Variants in NFATC2IP observed in about 807,000 individuals in gnomAD.
NFATC2IP encodes the protein NFATC2-interacting protein.
NFATC2IP carries 25 observed loss-of-function variants against 40.2 expected under a neutral mutation model. The ratio of observed to expected loss-of-function variants is 0.62; its 90% confidence interval spans 0.45 to 0.87. NFATC2IP has a LOEUF of 0.87. Among genes scored for constraint, NFATC2IP ranks in the 40% least tolerant of loss-of-function variants. NFATC2IP has a pLI of 0.00. For synonymous variants in NFATC2IP, 241 were observed against 236.3 expected (o/e 1.02, Z -0.18); for missense variants, 553 against 555.6 (o/e 1.00, Z 0.05).
Position 28,951,252 on chromosome 16 carries a change from C to A in NFATC2IP, c.241C>A (p.Pro81Thr). 1 of 1,490,306 alleles carries A rather than the reference C, an allele frequency of 6.7e-7. No individual in the cohort carries two copies. Among genetic ancestry groups the A allele is most frequent in the Non-Finnish European group, 9.0e-7 (1 of 1,114,258 alleles). The allele number at this position is 1,490,306 out of a possible 1,614,324, so 92.3% of individuals were successfully genotyped here. A position where few individuals can be genotyped will look rare whatever the true frequency, so the allele number is the denominator to read the frequency against. Residue 81 changes from proline to threonine, a missense_variant, in exon 1 of 8, where the codon CCG becomes ACG. Pro to Thr is a conservative substitution (Grantham distance 38). Coordinates refer to ENST00000320805, the MANE Select transcript of NFATC2IP (RefSeq NM_032815.4). The stretch of plus-strand genomic sequence containing the variant: ...GGTGGAGCCCCCGGAGCCCCCGGGG[C>A]CGGTCGCGTCCCGGGATAACAGCAA... Reference protein sequence around the residue: ...VEVEPPEPPGPVASRDNSNSD... With the variant: ...VEVEPPEPPGTVASRDNSNSD...
chr16:28,956,580 G>T (rs1004140453), intron 5 of NFATC2IP: 2 of 514,062 alleles, frequency 3.9e-6, no homozygotes, highest in African/African-American at 3.9e-5. Flanking sequence ...CTCCTCATAA[G>T]CATCCTGTGT....
rs1417681943 is a variant in NFATC2IP at position 28,964,956 on chromosome 16, C to A, written c.*1093C>A. ...TTCTGTGCTTGTGTGGCATGTGTAC[C>A]CAGGATGGGCCTATAGGTCACAGAG... is the stretch of plus-strand genomic sequence containing the variant. On this transcript the variant is annotated 3_prime_UTR_variant, in exon 8 of 8. Transcript: ENST00000320805. 1 of 152,210 alleles carries A rather than the reference C, an allele frequency of 6.6e-6. No individual in the cohort carries two copies. Among genetic ancestry groups the A allele is most frequent in the Non-Finnish European group, 1.5e-5 (1 of 68,032 alleles). The allele number at this position is 152,210 out of a possible 1,614,324, so 9.4% of individuals were successfully genotyped here. A position where few individuals can be genotyped will look rare whatever the true frequency, so the allele number is the denominator to read the frequency against.
At chr16:28,954,750 C>T in intron 3 of NFATC2IP, 68 bp downstream of exon 3, 1 of 935,216 alleles carries the variant, frequency 1.1e-6, no homozygotes, top group Non-Finnish European at 1.7e-6. Flanking sequence ...CGGAGGCAGG[C>T]AGGACTCTTG....
chr16:28,954,765 A>C, intron 3 of NFATC2IP, 83 bp downstream of exon 3: 1 of 777,820 alleles, frequency 1.3e-6, no homozygotes, highest in Non-Finnish European at 2.2e-6. Context: ...CTCTTGGGTG[A>C]CTCCTGAAAG....
intron 2 of NFATC2IP, among the ~76,000 whole-genome samples, chr16:28,953,333 A>G (rs969850393): frequency 6.6e-6 from 1 of 152,140 alleles, no homozygotes; most frequent in Non-Finnish European, 1.5e-5. Context: ...TTGGTCACCC[A>G]AAGTGCTGGG....
intron 1 of NFATC2IP, 126 bp downstream of exon 1, chr16:28,951,524 G>A: frequency 1.0e-6 from 1 of 979,948 alleles, no homozygotes; most frequent in Non-Finnish European, 1.4e-6. Context: ...CTGGTCCTCG[G>A]GCGTTAGGGT....
chr16:28,954,531 A>C, intron 2 of NFATC2IP, 34 bp from the exon 3 acceptor site: 1 of 1,462,574 alleles, frequency 6.8e-7, no homozygotes, highest in Non-Finnish European at 9.6e-7. Context: ...TCCCTTGGAT[A>C]ACCCCCTTCT....
Position 28,955,836 on chromosome 16 carries a change from G to GGCT in NFATC2IP, c.579-141_579-139dup, listed in dbSNP as rs1234072806. On this transcript the variant is annotated intron_variant, in intron 3 of 7. Transcript: ENST00000320805. ...ACTCCTGGGCTCGAGCGATCCTCCT[G>GGCT]GCTCAGCCTCCAAAAGTGCTGGGAT... 29 of 690,104 alleles carry GGCT rather than the reference G, an allele frequency of 4.2e-5. No homozygotes were observed. In the East Asian group the frequency reaches 7.5e-4, roughly 18 times the overall value. 42.7% of individuals were successfully genotyped at this position (690,104 alleles called of 1,614,324 possible). A position where few individuals can be genotyped will look rare whatever the true frequency, so the allele number is the denominator to read the frequency against.
Position 28,954,593 on chromosome 16 carries a change from C to G in NFATC2IP, c.489C>G (p.Leu163=). 1 of 1,613,866 alleles carries G rather than the reference C, an allele frequency of 6.2e-7. No individual in the cohort carries two copies. Among genetic ancestry groups the G allele is most frequent in the Non-Finnish European group, 8.5e-7 (1 of 1,179,800 alleles). The change falls in exon 3 of 8, where the codon CTC becomes CTG. Residue 163 remains leucine, a synonymous_variant. Coordinates refer to ENST00000320805, the MANE Select transcript of NFATC2IP (RefSeq NM_032815.4). ...EEAELADSSG[L]YHEGSPSPGS... ...CAGAGCTGGCAGATTCGAGTGGTCT[C>G]TACCATGAGGGCTCCCCATCACCAG... is the stretch of plus-strand genomic sequence containing the variant.
At chr16:28,952,503 A>G (rs1596726687) in intron 2 of NFATC2IP, 2 of 361,232 alleles carry the variant, frequency 5.5e-6, no homozygotes, top group East Asian at 1.2e-4. Flanking sequence ...CTTTGGGAAC[A>G]CTGGAGCCAG....
chr16:28,955,889 A>G (rs1470001966), intron 3 of NFATC2IP, 89 bp from the exon 4 acceptor site: 22 of 1,070,328 alleles, frequency 2.1e-5, no homozygotes, highest in Middle Eastern at 4.0e-4. Context: ...GCGTCCGACT[A>G]TGCTTGATTG....
intron 1 of NFATC2IP, 111 bp downstream of exon 1, chr16:28,951,509 T>G: frequency 1.8e-6 from 2 of 1,084,186 alleles, no homozygotes; most frequent in Non-Finnish European, 2.4e-6. Flanking sequence ...GCTGGCGTTC[T>G]GGGGCTGGTC....
intron 7 of NFATC2IP, among the ~76,000 whole-genome samples, chr16:28,962,382 A>G (rs1344969705): frequency 6.6e-6 from 1 of 152,198 alleles, no homozygotes; most frequent in Non-Finnish European, 1.5e-5. Flanking sequence ...TTCTCCAGGA[A>G]TCACCACATG....
chr16:28,951,853 C>T (rs1401108443), intron 1 of NFATC2IP, among the ~76,000 whole-genome samples: 1 of 151,900 alleles, frequency 6.6e-6, no homozygotes, highest in African/African-American at 2.4e-5. Context: ...GCTGAGAGTC[C>T]CTAAGAGTCA....
chr16:28,952,249 C>G, intron 2 of NFATC2IP, 45 bp downstream of exon 2: 1 of 1,611,632 alleles, frequency 6.2e-7, no homozygotes. Context: ...GCTGGCTTCT[C>G]TTAAGAGAAT....
At position 28,956,173 on chromosome 16, in the gene NFATC2IP, G is replaced by T; in HGVS notation, c.682G>T (p.Asp228Tyr). ...CAGTGAGGTGAACAAGCGCCTCCAG[G>T]ATCTCCGTTCCTGTCTGAGCCCCAA... is the stretch of plus-strand genomic sequence containing the variant. The part of the protein sequence containing the change: ...KLSEVNKRLQ[D>Y]LRSCLSPKPP... Residue 228 changes from aspartate to tyrosine, a missense_variant, in exon 5 of 8, where the codon GAT (aspartate) becomes TAT (tyrosine). By Grantham distance (160) the Asp-to-Tyr change is radical. Coordinates refer to ENST00000320805, the MANE Select transcript of NFATC2IP (RefSeq NM_032815.4). The T allele has an allele frequency of 1.2e-6, 2 of 1,614,076 alleles. No homozygotes were observed. The highest frequency in any genetic ancestry group is 1.7e-6 in the Non-Finnish European group (2 of 1,180,020).
At chr16:28,959,627 G>T in intron 7 of NFATC2IP, among the ~76,000 whole-genome samples, 1 of 140,992 alleles carries the variant, frequency 7.1e-6, no homozygotes, top group Non-Finnish European at 1.5e-5. Context: ...CCAGGCTGAA[G>T]TCTGGCATGA....
rs370546995 is a variant in NFATC2IP at position 28,951,146 on chromosome 16, A to G, written c.135A>G (p.Val45=). 24 of 1,546,150 alleles carry G rather than the reference A, an allele frequency of 1.6e-5. No homozygotes were observed. In the African/African-American group the frequency reaches 3.0e-4, roughly 20 times the overall value. The change falls in exon 1 of 8, where the codon GTA becomes GTG. Residue 45 remains valine (V), a synonymous_variant. Coordinates refer to ENST00000320805, the MANE Select transcript of NFATC2IP (RefSeq NM_032815.4). ...CTCCATCCCGGGGCACGCTGGACGT[A>G]GTGTCTGTGGACTTGGTCACCGACA... ...QRSPSRGTLD[V]VSVDLVTDSD...
At chr16:28,957,262 G>A (rs1049206101) in intron 5 of NFATC2IP, among the ~76,000 whole-genome samples, 1 of 151,834 alleles carries the variant, frequency 6.6e-6, no homozygotes, top group Non-Finnish European at 1.5e-5. Flanking sequence ...TTGAACTCCT[G>A]ATCTCAAGTG....
Sources: gnomAD v4.1 joint callset for allele counts (sites outside exome capture counted in the v4.1 genomes callset) on GRCh38, gnomAD v4.1.1 for gene constraint, MANE v1.5 for transcripts, NCBI Gene and HGNC (gene_info 2026-07-23, HGNC 2026-07-21) for gene names.